CSMD2: variants seen among roughly 807,000 people sequenced by gnomAD.
The protein encoded by CSMD2 is CUB and sushi domain-containing protein 2.
CSMD2 carries 130 observed loss-of-function variants against 398.5 expected under a neutral mutation model. That is an observed-to-expected ratio of 0.33 (90% confidence interval 0.28 to 0.38). The LOEUF (loss-of-function observed/expected upper bound fraction) is 0.38, where lower values mean the gene tolerates loss of function less well. Among genes scored for constraint, CSMD2 ranks in the 10% least tolerant of loss-of-function variants. The probability of loss-of-function intolerance (pLI) is 1.00; values close to 1 mark genes in which losing one functional copy is unlikely to be tolerated. For synonymous variants in CSMD2, 1,828 were observed against 1,908.5 expected, an observed-to-expected ratio of 0.96 and a Z score of 1.10; for missense variants, 3,829 against 4,764.9, an observed-to-expected ratio of 0.80 and a Z score of 5.78.
chr1:33,860,247 C>A (rs567584757), intron 5 of CSMD2, among the ~76,000 whole-genome samples: 12 of 152,310 alleles, frequency 7.9e-5, no homozygotes, highest in Admixed American at 4.6e-4. Flanking sequence ...AGTTTCTTAG[C>A]CTTGCCCTGG....
At chr1:33,926,984 G>A (rs558301346) in intron 4 of CSMD2, among the ~76,000 whole-genome samples, 1 of 152,288 alleles carries the variant, frequency 6.6e-6, no homozygotes, top group South Asian at 2.1e-4. Context: ...ATGCCTAGAA[G>A]ATTTGGGGTC....
At chr1:33,960,862 T>G (rs1292849138) in intron 3 of CSMD2, among the ~76,000 whole-genome samples, 1 of 152,172 alleles carries the variant, frequency 6.6e-6, no homozygotes, top group Non-Finnish European at 1.5e-5. Flanking sequence ...GACTCTGGAA[T>G]TAGTGAGTTA....
intron 3 of CSMD2, among the ~76,000 whole-genome samples, chr1:33,952,753 T>G (rs1194307146): frequency 3.3e-5 from 5 of 152,180 alleles, no homozygotes; most frequent in African/African-American, 1.2e-4. Flanking sequence ...CTTGTCTGAC[T>G]TTTTTCACTT....
At chr1:33,630,254 G>A (rs77645848) in intron 32 of CSMD2, among the ~76,000 whole-genome samples, 1,915 of 152,186 alleles carry the variant, frequency 0.013, 43 homozygotes, top group South Asian at 0.051. Context: ...CTATCTATCT[G>A]TTTTGAAAAG....
intron 3 of CSMD2, among the ~76,000 whole-genome samples, chr1:33,984,836 G>GAGCAAGGA (rs796833125): frequency 3.7e-4 from 55 of 148,796 alleles, no homozygotes; most frequent in African/African-American, 8.8e-4. Flanking sequence ...AGGAGGGAAG[G>GAGCAAGGA]AGGAAGGAAG....
chr1:33,664,044 T>C (rs1164910054), intron 25 of CSMD2, among the ~76,000 whole-genome samples: 1 of 152,224 alleles, frequency 6.6e-6, no homozygotes, highest in Non-Finnish European at 1.5e-5. Flanking sequence ...TCTTTTTTTG[T>C]GTTCCAGGAT....
chr1:33,616,734 T>C (rs1249599292), intron 39 of CSMD2, among the ~76,000 whole-genome samples, 172 bp downstream of exon 39: 1 of 152,222 alleles, frequency 6.6e-6, no homozygotes, highest in Non-Finnish European at 1.5e-5. Flanking sequence ...GATGACTGCA[T>C]TAAATGGGAG....
intron 2 of CSMD2, among the ~76,000 whole-genome samples, chr1:34,085,403 A>AAT (rs1258830773): frequency 2.0e-4 from 26 of 130,310 alleles, no homozygotes; most frequent in African/African-American, 7.3e-4. Context: ...TAATAATAAT[A>AAT]AATAAATAAA....
At position 33,886,975 on chromosome 1, in the gene CSMD2, G is replaced by GT. The variant is rs200257473; in HGVS notation, c.920+31118dup. Among the ~76,000 whole-genome samples, 168 of 147,326 alleles carry GT rather than the reference G, an allele frequency of 1.1e-3. 2 individuals carry two copies. The South Asian group carries it at 0.013, about 11-fold the overall frequency. ...CAGAGGGGGACACTGAGACTCAGAGGTTTTTTTTTTTAAATTTATTTAAAT... is the reference window on the plus strand; with the variant it reads ...CAGAGGGGGACACTGAGACTCAGAGGTTTTTTTTTTTTAAATTTATTTAAAT... On this transcript the variant is annotated intron_variant, in intron 5 of 70. Coordinates refer to ENST00000373381, the MANE Select transcript of CSMD2 (RefSeq NM_001281956.2).
Position 33,907,220 on chromosome 1 carries a change from G to A in CSMD2, c.920+10874C>T, listed in dbSNP as rs568142792. Among the ~76,000 whole-genome samples, 392 of 149,902 alleles carry A rather than the reference G, an allele frequency of 2.6e-3. 2 individuals carry two copies. The highest frequency in any genetic ancestry group is 8.6e-3 in the African/African-American group (348 of 40,690). ...TGCAAACTCTGCCTCCTGGCTTTGC[G>A]CCATTCTCCTGCCTCAGCCTCCCGA... On this transcript the variant is annotated intron_variant, in intron 5 of 70. Transcript: ENST00000373381.
At chr1:33,868,547 T>A (rs920196638) in intron 5 of CSMD2, among the ~76,000 whole-genome samples, 4 of 152,014 alleles carry the variant, frequency 2.6e-5, no homozygotes, top group Non-Finnish European at 4.4e-5. Flanking sequence ...ACCAGCCTGA[T>A]CAACATGGTG....
chr1:33,769,313 G>A (rs1295554786), intron 13 of CSMD2, among the ~76,000 whole-genome samples: 1 of 152,202 alleles, frequency 6.6e-6, no homozygotes, highest in Non-Finnish European at 1.5e-5. Context: ...GGCAGAGACT[G>A]AACAACTCTG....
chr1:33,887,958 T>C (rs1197177559), intron 5 of CSMD2, among the ~76,000 whole-genome samples: 2 of 152,110 alleles, frequency 1.3e-5, no homozygotes, highest in Non-Finnish European at 1.5e-5. Flanking sequence ...AGCTTTCTTA[T>C]TTACCAGCAA....
Position 34,042,242 on chromosome 1 carries a change from G to A in CSMD2, c.405-9536C>T, listed in dbSNP as rs183847651. On this transcript the variant is annotated intron_variant, in intron 2 of 70. Transcript: ENST00000373381. ...TTGTCCAAATGTCTTCCAGGCACAT[G>A]GAACTTTCTGAAACTGTCTGGAGTA... Among the ~76,000 whole-genome samples the A allele has an allele frequency of 5.5e-3, 832 of 152,312 alleles. 5 individuals are homozygous for A. The highest frequency in any genetic ancestry group is 0.014 in the South Asian group (66 of 4,830).
intron 12 of CSMD2, among the ~76,000 whole-genome samples, chr1:33,773,551 GA>G (rs1651565951): frequency 6.6e-6 from 1 of 152,176 alleles, no homozygotes; most frequent in South Asian, 2.1e-4. Context: ...GATGCTTCTG[GA>G]AAGGAGTATG....
At chr1:33,935,013 T>TAAAAA (rs537683892) in intron 4 of CSMD2, among the ~76,000 whole-genome samples, 1 of 42,328 alleles carries the variant, frequency 2.4e-5, no homozygotes, top group Non-Finnish European at 6.2e-5. Context: ...CAAATAAAAT[T>TAAAAA]AAAAAAAAAA....
intron 15 of CSMD2, among the ~76,000 whole-genome samples, chr1:33,736,928 C>G (rs561547141): frequency 1.3e-5 from 2 of 152,120 alleles, no homozygotes; most frequent in Non-Finnish European, 2.9e-5. Flanking sequence ...ACCAACACAA[C>G]GAAAACTAAA....
At chr1:34,128,048 T>C (rs1298926129) in intron 1 of CSMD2, among the ~76,000 whole-genome samples, 1 of 152,134 alleles carries the variant, frequency 6.6e-6, no homozygotes, top group Admixed American at 6.5e-5. Context: ...TTGTGGGAAG[T>C]GGCCTCTTCC....
intron 3 of CSMD2, among the ~76,000 whole-genome samples, chr1:33,952,839 T>C (rs747003974): frequency 1.3e-5 from 2 of 152,218 alleles, no homozygotes; most frequent in African/African-American, 2.4e-5. Context: ...AACGACTCTA[T>C]GAATGAATGG....
Sources: gnomAD v4.1 joint callset for allele counts (sites outside exome capture counted in the v4.1 genomes callset) on GRCh38, gnomAD v4.1.1 for gene constraint, MANE v1.5 for transcripts, NCBI Gene and HGNC (gene_info 2026-07-23, HGNC 2026-07-21) for gene names.